Variants in RSPH6A observed in about 807,000 individuals in gnomAD.
The protein encoded by RSPH6A is radial spoke head protein 6 homolog A.
Under a neutral mutation model 66.1 loss-of-function variants are expected in RSPH6A, and 49 were observed. The observed-to-expected ratio is 0.74, with a 90% confidence interval of 0.59 to 0.94. The LOEUF (loss-of-function observed/expected upper bound fraction) is 0.94. Ranked by LOEUF, RSPH6A falls within the 40% of genes least tolerant of loss-of-function variation. The pLI, the probability that RSPH6A is intolerant of heterozygous loss-of-function variation, is 0.00. For synonymous variants in RSPH6A, 419 were observed against 402.4 expected (o/e 1.04, Z -0.49); for missense variants, 977 against 948.3 (o/e 1.03, Z -0.40).
rs1970679286 is a variant in RSPH6A, at chr19:45,814,709, C to A, written c.468G>T (p.Gln156His). The A allele has an allele frequency of 6.2e-7, 1 of 1,613,356 alleles. No homozygotes were observed. Among genetic ancestry groups the A allele is most frequent in the East Asian group, 2.2e-5 (1 of 44,868 alleles). The change falls in exon 1 of 6, where the codon CAG becomes CAT. Residue 156 changes from glutamine (Q) to histidine (H), a missense_variant. Gln to His is a conservative substitution (Grantham distance 24). Coordinates refer to ENST00000221538, the MANE Select transcript of RSPH6A (RefSeq NM_030785.4). ...GCCCGTGCTGGGCACCTTCAGAGAA[C>A]TGGTCTGTCTGGTAGAGGTTGAACT... ...LGQFNLYQTD[Q>H]FSEGAQHGPY...
intron 1 of RSPH6A, among the ~76,000 whole-genome samples, chr19:45,813,332 C>G (rs1970652378): frequency 6.6e-6 from 1 of 152,008 alleles, no homozygotes; most frequent in African/African-American, 2.4e-5. Context: ...CTTGGACAGG[C>G]CTTCACTGAC....
At chr19:45,814,494 C>T in intron 1 of RSPH6A, 33 bp downstream of exon 1, 5 of 1,439,598 alleles carry the variant, frequency 3.5e-6, no homozygotes, top group Non-Finnish European at 4.6e-6. Flanking sequence ...CTGCCTGGGT[C>T]CCCCACCCGC....
At chr19:45,811,031 G>GT (rs1970620917) in intron 1 of RSPH6A, 191 bp from the exon 2 acceptor site, 1 of 433,552 alleles carries the variant, frequency 2.3e-6, no homozygotes, top group African/African-American at 2.0e-5. Context: ...GTCTTGCTCT[G>GT]TTGCTCAGGC....
At chr19:45,803,166 G>A (rs967389785) in intron 3 of RSPH6A, among the ~76,000 whole-genome samples, 3 of 143,888 alleles carry the variant, frequency 2.1e-5, no homozygotes, top group Non-Finnish European at 4.5e-5. Context: ...CCGAGATCAC[G>A]CCACTGCACT....
rs1970454479 is a variant in RSPH6A at position 45,800,334 on chromosome 19, C to T, written c.1916+112G>A. 1.4e-5 allele frequency: 13 copies of T among 900,454 alleles called. No individual in the cohort carries two copies. The South Asian group carries it at 1.8e-4, about 12-fold the overall frequency. The allele number at this position is 900,454 out of a possible 1,614,324, so 55.8% of individuals were successfully genotyped here. A position where few individuals can be genotyped will look rare whatever the true frequency, so the allele number is the denominator to read the frequency against. On this transcript the variant is annotated intron_variant, in intron 5 of 5. Coordinates refer to ENST00000221538, the MANE Select transcript of RSPH6A (RefSeq NM_030785.4). ...ATGAGGGCATTAGTCCTTGGGGCTT[C>T]CTGAAGGGGGCCCTCCCCATCTCTG...
chr19:45,814,684 G>T lies in RSPH6A; in HGVS notation c.493C>A (p.Pro165Thr), dbSNP rs900461380. The T allele has an allele frequency of 6.2e-7, 1 of 1,612,328 alleles. No individual in the cohort carries two copies. ...AGGGCAGGGTCATCCCTTATGTAAG[G>T]CCCGTGCTGGGCACCTTCAGAGAAC... is the stretch of plus-strand genomic sequence containing the variant. ...DQFSEGAQHG[P>T]YIRDDPALQF... is the part of the protein sequence containing the mutation. The change falls in exon 1 of 6, where the codon CCT (proline) becomes ACT (threonine). Residue 165 changes from proline (P) to threonine (T), a missense_variant. Physicochemically the swap from Pro to Thr is conservative, Grantham distance 38 (BLOSUM62 -1). Transcript: ENST00000221538.
At chr19:45,802,416 G>T in intron 3 of RSPH6A, 152 bp from the exon 4 acceptor site, 1 of 515,532 alleles carries the variant, frequency 1.9e-6, no homozygotes, top group Non-Finnish European at 3.0e-6. Context: ...GCTAAGGGGA[G>T]GTGGGAAACG....
Position 45,814,828 on chromosome 19 carries a change from T to C in RSPH6A, c.349A>G (p.Ser117Gly). ...SRMQVAELTT[S>G]LMLQRLQQGQ... is the part of the protein sequence containing the mutation. ...TGCTGGAGCCGCTGCAGCATTAGGC[T>C]GGTGGTGAGCTCGGCGACCTGCATC... The change falls in exon 1 of 6, where the codon AGC becomes GGC. Residue 117 changes from serine to glycine, a missense_variant. Coordinates refer to ENST00000221538, the MANE Select transcript of RSPH6A (RefSeq NM_030785.4). 1.9e-6 allele frequency: 3 copies of C among 1,614,062 alleles called. No homozygotes were observed. Among genetic ancestry groups the C allele is most frequent in the Non-Finnish European group, 1.7e-6 (2 of 1,179,970 alleles).
At chr19:45,803,249 A>G (rs925310868) in intron 3 of RSPH6A, among the ~76,000 whole-genome samples, 1 of 147,554 alleles carries the variant, frequency 6.8e-6, no homozygotes, top group African/African-American at 2.5e-5. Flanking sequence ...TTGTGGTGGT[A>G]TGTGCCTGTA....
chr19:45,795,877 C>T lies in RSPH6A; in HGVS notation c.2146G>A (p.Asp716Asn), dbSNP rs764430735. 1.2e-5 allele frequency: 19 copies of T among 1,609,612 alleles called. No individual in the cohort carries two copies. Among genetic ancestry groups the T allele is most frequent in the Non-Finnish European group, 8.5e-7 (1 of 1,178,292 alleles). ...GEEEEEGEET[D>N]D ...TGGCTAGAGGGTGGGCCTCAGTCAT[C>T]TGTCTCCTCGCCCTCCTCCTCCTCC... Residue 716 changes from aspartate to asparagine, a missense_variant, in exon 6 of 6, where the codon GAT becomes AAT. Asp to Asn is a conservative substitution (Grantham distance 23). Coordinates refer to ENST00000221538, the MANE Select transcript of RSPH6A (RefSeq NM_030785.4).
intron 2 of RSPH6A, 68 bp downstream of exon 2, chr19:45,810,535 G>C: frequency 2.1e-6 from 3 of 1,433,378 alleles, no homozygotes; most frequent in Non-Finnish European, 2.9e-6. Context: ...CTTGGCACAG[G>C]CTGTGCCCTA....
chr19:45,803,195 C>G (rs1326934171), intron 3 of RSPH6A, among the ~76,000 whole-genome samples: 1 of 130,424 alleles, frequency 7.7e-6, no homozygotes, highest in Non-Finnish European at 1.6e-5. Flanking sequence ...GGCAATAGAG[C>G]GAGACTCCGT....
At chr19:45,813,414 G>A (rs1368390820) in intron 1 of RSPH6A, among the ~76,000 whole-genome samples, 1 of 152,066 alleles carries the variant, frequency 6.6e-6, no homozygotes, top group South Asian at 2.1e-4. Flanking sequence ...CACGATCTCG[G>A]CTCACTGCAA....
At chr19:45,811,326 C>T (rs868463595) in intron 1 of RSPH6A, among the ~76,000 whole-genome samples, 14 of 151,842 alleles carry the variant, frequency 9.2e-5, no homozygotes, top group Middle Eastern at 3.4e-3. Context: ...ACTAATCAAA[C>T]GAGCAAAATA....
intron 4 of RSPH6A, among the ~76,000 whole-genome samples, chr19:45,800,797 CTT>C (rs58407168): frequency 1.3e-4 from 18 of 138,298 alleles, no homozygotes; most frequent in Non-Finnish European, 1.7e-4. Context: ...CTCTCGCTCT[CTT>C]TTTTTTTTTT....
chr19:45,807,181 T>G (rs1970555997), intron 2 of RSPH6A, among the ~76,000 whole-genome samples: 1 of 151,546 alleles, frequency 6.6e-6, no homozygotes, highest in African/African-American at 2.4e-5. Flanking sequence ...CCTGAGCCAC[T>G]GTGCCTGGCA....
Position 45,804,403 on chromosome 19 carries a change from T to C in RSPH6A, c.1502A>G (p.Gln501Arg). 6.2e-7 allele frequency: 1 copy of C among 1,613,722 alleles called. No homozygotes were observed. Among genetic ancestry groups the C allele is most frequent in the Non-Finnish European group, 8.5e-7 (1 of 1,179,918 alleles). The change falls in exon 3 of 6, where the codon CAG becomes CGG. Residue 501 changes from glutamine to arginine, a missense_variant. Transcript: ENST00000221538. This position sits in a 1 kb window ranked among gnomAD's most constrained non-coding sequence, Gnocchi z 5.8. The part of the protein sequence containing the change: ...ATQVSPLGFY[Q>R]FSEEEGDEEE... ...CTCGTCGCCCTCCTCCTCACTAAACTGGTAGAAGCCCAGCGGGCTGACCTG... is the reference window on the plus strand; with the variant it reads ...CTCGTCGCCCTCCTCCTCACTAAACCGGTAGAAGCCCAGCGGGCTGACCTG...
intron 1 of RSPH6A, among the ~76,000 whole-genome samples, chr19:45,811,150 C>G (rs572934605): frequency 6.6e-6 from 1 of 151,598 alleles, no homozygotes. Flanking sequence ...CCCGCCACCA[C>G]GCCTGGTTAC....
Position 45,804,705 on chromosome 19 carries a change from C to G in RSPH6A, c.1200G>C (p.Val400=). Residue 400 remains valine, a synonymous_variant, in exon 3 of 6, where the codon GTG becomes GTC. Transcript: ENST00000221538. The surrounding 1 kb of genome is among the most constrained non-coding windows in gnomAD (Gnocchi z 5.8). ...TCCATACGGACTTAGGGACGATGTC[C>G]ACGGCCTTCTCCTCGTCCTCCTCGC... ...EEGEEDEEKA[V]DIVPKSVWKP... 6.2e-7 allele frequency: 1 copy of G among 1,613,722 alleles called. No homozygotes were observed. Among genetic ancestry groups the G allele is most frequent in the Non-Finnish European group, 8.5e-7 (1 of 1,179,924 alleles).
Sources: gnomAD v4.1 joint callset for allele counts (sites outside exome capture counted in the v4.1 genomes callset) on GRCh38, gnomAD v4.1.1 for gene constraint, Gnocchi (gnomAD v3.1) non-coding constraint, MANE v1.5 for transcripts, NCBI Gene and HGNC (gene_info 2026-07-23, HGNC 2026-07-21) for gene names.